Variants in KIF3B observed in about 807,000 individuals in gnomAD.
KIF3B encodes the protein kinesin family member 3B.
In KIF3B, 38 loss-of-function variants were observed where a neutral mutation model predicts 74.3. That is an observed-to-expected ratio of 0.51 (90% CI 0.39 to 0.67). The LOEUF (loss-of-function observed/expected upper bound fraction) is 0.67, where lower values mean the gene tolerates loss of function less well. Among genes scored for constraint, KIF3B ranks in the 30% least tolerant of loss-of-function variants. The pLI is 0.00. For missense variants in KIF3B, 649 were observed against 932.0 expected, an observed-to-expected ratio of 0.70 and a Z score of 3.95; for synonymous variants, 326 against 342.5, an observed-to-expected ratio of 0.95 and a Z score of 0.53.
chr20:32,285,637 C>T (rs1356488157), intron 1 of KIF3B, among the ~76,000 whole-genome samples: 1 of 152,184 alleles, frequency 6.6e-6, no homozygotes, highest in African/African-American at 2.4e-5. Context: ...CTCAACCTCT[C>T]TAGGCCTCTG....
intron 5 of KIF3B, among the ~76,000 whole-genome samples, chr20:32,321,839 T>C (rs1334999112): frequency 6.6e-6 from 1 of 152,218 alleles, no homozygotes; most frequent in Admixed American, 6.5e-5. Context: ...TTAAAGTCTA[T>C]ACTTTTTGTA....
At chr20:32,299,450 A>T (rs1224229385) in intron 1 of KIF3B, among the ~76,000 whole-genome samples, 2 of 98,832 alleles carry the variant, frequency 2.0e-5, no homozygotes, top group East Asian at 3.7e-4. Context: ...TTGCTTTATC[A>T]CCCAGGCTGG....
rs1162366787 is a variant in KIF3B, at chr20:32,327,568, G to C, written c.1875G>C (p.Met625Ile). 1 of 1,613,222 alleles carries C rather than the reference G, an allele frequency of 6.2e-7. No individual in the cohort carries two copies. The highest frequency in any genetic ancestry group is 1.3e-5 in the African/African-American group (1 of 74,888). The change falls in exon 7 of 9, where the codon ATG becomes ATC. Residue 625 changes from methionine to isoleucine, a missense_variant. Around this residue, in one of 4 missense-constraint regions of KIF3B, gnomAD observed 186 missense variants for 198.5 expected, o/e 0.94. Coordinates refer to ENST00000375712, the MANE Select transcript of KIF3B (RefSeq NM_004798.4). ...HPITRLENQQMMKRPVSAVGY... is the reference protein window; with the variant it reads ...HPITRLENQQIMKRPVSAVGY... ...AGTTCATTTCCAGGAACCAGCAGAT[G>C]ATGAAGCGGCCAGTCTCAGCCGTGG... is the stretch of plus-strand genomic sequence containing the variant.
intron 1 of KIF3B, among the ~76,000 whole-genome samples, chr20:32,283,879 C>G (rs888593820): frequency 6.6e-6 from 1 of 152,138 alleles, no homozygotes; most frequent in Non-Finnish European, 1.5e-5. Flanking sequence ...GTGATCCACT[C>G]ACCTTGGCCT....
intron 7 of KIF3B, among the ~76,000 whole-genome samples, chr20:32,328,405 C>T (rs2047914587): frequency 6.7e-6 from 1 of 149,112 alleles, no homozygotes. Flanking sequence ...GCCTGGGCAA[C>T]AGGGCAAGAC....
At chr20:32,327,982 T>C (rs993447515) in intron 7 of KIF3B, among the ~76,000 whole-genome samples, 17 of 151,804 alleles carry the variant, frequency 1.1e-4, no homozygotes, top group Non-Finnish European at 1.0e-4. Flanking sequence ...GTGCCTGTAG[T>C]CCCAGCTACT....
chr20:32,290,629 G>A (rs968026010), intron 1 of KIF3B, among the ~76,000 whole-genome samples: 1 of 152,080 alleles, frequency 6.6e-6, no homozygotes, highest in African/African-American at 2.4e-5. Flanking sequence ...CCAGCACTTT[G>A]GGAGGCCAAG....
chr20:32,308,222 C>T (rs1227577629), intron 1 of KIF3B, among the ~76,000 whole-genome samples: 3 of 152,112 alleles, frequency 2.0e-5, no homozygotes, highest in African/African-American at 7.2e-5. Flanking sequence ...GGTGACAGAG[C>T]GAGACTCCGT....
intron 5 of KIF3B, among the ~76,000 whole-genome samples, chr20:32,325,653 CTCTTTTTTTTTTTTTTTTTT>C (rs2047899626): frequency 1.1e-5 from 1 of 90,304 alleles, no homozygotes; most frequent in Non-Finnish European, 2.2e-5. Flanking sequence ...CTCTCTCTCT[CTCTTTTTTTTTTTTTTTTTT>C]TTTTTTTTTT....
chr20:32,282,910 G>A (rs1292707437), intron 1 of KIF3B, among the ~76,000 whole-genome samples: 1 of 152,192 alleles, frequency 6.6e-6, no homozygotes, highest in Non-Finnish European at 1.5e-5. Context: ...GGGAATTCGA[G>A]CTTCATTGTT....
Position 32,311,013 on chromosome 20 carries a change from T to C in KIF3B, c.1236T>C (p.Asp412=). The C allele has an allele frequency of 6.2e-7, 1 of 1,613,318 alleles. No individual in the cohort carries two copies. The highest frequency in any genetic ancestry group is 8.5e-7 in the Non-Finnish European group (1 of 1,179,818). ...EGEEEGDDKD[D]YWREQQEKLE... ...AGGAGGAAGGGGATGATAAGGATGA[T>C]TACTGGCGGGAACAGCAAGAAAAAC... is the stretch of plus-strand genomic sequence containing the variant. The change falls in exon 2 of 9, where the codon GAT becomes GAC. Residue 412 remains aspartate (D), a synonymous_variant. Coordinates refer to ENST00000375712, the MANE Select transcript of KIF3B (RefSeq NM_004798.4).
In KIF3B at chr20:32,331,400, C is replaced by G; in HGVS notation, c.*81C>G. 4.4e-6 allele frequency: 5 copies of G among 1,146,794 alleles called. No individual in the cohort carries two copies. In the South Asian group the frequency reaches 6.6e-5, roughly 15 times the overall value. 71.0% of individuals were successfully genotyped at this position (1,146,794 alleles called of 1,614,324 possible). On this transcript the variant is annotated 3_prime_UTR_variant, in exon 9 of 9. Transcript: ENST00000375712. Reference sequence around the variant, plus strand: ...CTAGCAAAAAGCTGCAGAGAGGATTCGGCCCAAACTCAGAACTGTTCCCCT... The same window carrying G: ...CTAGCAAAAAGCTGCAGAGAGGATTGGGCCCAAACTCAGAACTGTTCCCCT...
At chr20:32,287,724 T>G (rs1030356542) in intron 1 of KIF3B, among the ~76,000 whole-genome samples, 14 of 152,162 alleles carry the variant, frequency 9.2e-5, no homozygotes, top group African/African-American at 3.1e-4. Context: ...CTTTTTATAA[T>G]CACATATAAT....
In KIF3B at chr20:32,281,281, T is replaced by C. The variant is rs554969078; in HGVS notation, c.-66+3516T>C. 2.6e-5 allele frequency among the ~76,000 whole-genome samples: 4 copies of C among 152,326 alleles called. No homozygotes were observed. In the East Asian group the frequency reaches 5.8e-4, roughly 22 times the overall value. On this transcript the variant is annotated intron_variant, in intron 1 of 8. Coordinates refer to ENST00000375712, the MANE Select transcript of KIF3B (RefSeq NM_004798.4). Reference sequence around the variant, plus strand: ...TGGAAGCCAAGAAGCCATGATGCTATTGAGTGGCCCATTTCACGTTGAAAT... The same window carrying C: ...TGGAAGCCAAGAAGCCATGATGCTACTGAGTGGCCCATTTCACGTTGAAAT...
intron 5 of KIF3B, among the ~76,000 whole-genome samples, chr20:32,319,994 A>G (rs1040784324): frequency 2.0e-5 from 3 of 151,922 alleles, no homozygotes; most frequent in African/African-American, 7.3e-5. Context: ...TCCTGGGTTC[A>G]AGTGATTGTC....
chr20:32,299,403 A>ATATATAT (rs1555895046), intron 1 of KIF3B, among the ~76,000 whole-genome samples: 5 of 9,026 alleles, frequency 5.5e-4, no homozygotes, highest in Admixed American at 1.7e-3. Context: ...ATATATATAT[A>ATATATAT]TTTTTTTTTT....
In KIF3B at chr20:32,331,300, G is replaced by A. The variant is rs867330475; in HGVS notation, c.2225G>A (p.Arg742Gln). ...GCATCTCAGCTTTATCCACAGTCTC[G>A]GGGGCTGGTTCCAAAGTAAAGCCAG... ...TPASQLYPQS[R>Q]GLVPK The change falls in exon 9 of 9, where the codon CGG becomes CAG. Residue 742 changes from arginine to glutamine, a missense_variant. Transcript: ENST00000375712. 2.5e-6 allele frequency: 4 copies of A among 1,610,198 alleles called. No individual in the cohort carries two copies. The highest frequency in any genetic ancestry group is 1.7e-5 in the Admixed American group (1 of 58,398).
chr20:32,327,461 C>A, intron 6 of KIF3B, 95 bp from the exon 7 acceptor site: 3 of 939,392 alleles, frequency 3.2e-6, no homozygotes, highest in Non-Finnish European at 5.1e-6. Flanking sequence ...AGCCTGCAGT[C>A]CAGGGAGTTA....
At chr20:32,308,543 T>C (rs963649128) in intron 1 of KIF3B, among the ~76,000 whole-genome samples, 1 of 152,154 alleles carries the variant, frequency 6.6e-6, no homozygotes, top group Admixed American at 6.5e-5. Flanking sequence ...CCTGAGTAGC[T>C]GGGATTACAG....
Sources: gnomAD v4.1 joint callset for allele counts (sites outside exome capture counted in the v4.1 genomes callset) on GRCh38, gnomAD v4.1.1 for gene constraint, gnomAD v4.1.1 regional missense constraint, MANE v1.5 for transcripts, NCBI Gene and HGNC (gene_info 2026-07-23, HGNC 2026-07-21) for gene names.